The following EML4 variants were observed in gnomAD, a reference collection of about 807,000 sequenced individuals.
EML4 encodes EMAP like 4, also known as echinoderm microtubule-associated protein-like 4.
In EML4, 72 loss-of-function variants were observed where a neutral mutation model predicts 129.0. The ratio of observed to expected loss-of-function variants is 0.56; its 90% confidence interval spans 0.46 to 0.68. The LOEUF (loss-of-function observed/expected upper bound fraction) is 0.68. Ranked by LOEUF, EML4 falls within the 30% of genes least tolerant of loss-of-function variation. The pLI is 0.00. For synonymous variants in EML4, 532 were observed against 405.0 expected (o/e 1.31, Z -3.77); for missense variants, 1,363 against 1,190.6 (o/e 1.14, Z -2.13).
rs144376390 is a variant in EML4 at position 42,245,568 on chromosome 2, G to A, written c.89G>A (p.Arg30Gln). The change falls in exon 2 of 23, where the codon CGA becomes CAA. Residue 30 changes from arginine to glutamine, a missense_variant. Transcript: ENST00000318522. ...GATCGCCTGTCAGCTCTTGAGTCAC[G>A]AGTTCAGCAACAAGAAGATGAAATC... ...VQDRLSALESRVQQQEDEITV... is the reference protein window; with the variant it reads ...VQDRLSALESQVQQQEDEITV... 165 of 1,613,822 alleles carry A rather than the reference G, an allele frequency of 1.0e-4. No individual in the cohort carries two copies. The highest frequency in any genetic ancestry group is 1.3e-4 in the Non-Finnish European group (150 of 1,179,872).
intron 1 of EML4, among the ~76,000 whole-genome samples, chr2:42,174,277 A>C (rs1471596703): frequency 1.3e-5 from 2 of 152,070 alleles, no homozygotes; most frequent in Non-Finnish European, 2.9e-5. Context: ...AAGATTCCCA[A>C]ATCTATAGTA....
intron 6 of EML4, among the ~76,000 whole-genome samples, chr2:42,274,904 A>G (rs909555124): frequency 1.3e-5 from 2 of 152,168 alleles, no homozygotes; most frequent in Admixed American, 6.5e-5. Flanking sequence ...TTGCCTAACA[A>G]TCACTCTTTC....
In EML4 at chr2:42,243,519, C is replaced by T. The variant is rs367753348; in HGVS notation, c.26-1986C>T. Among the ~76,000 whole-genome samples the T allele has an allele frequency of 4.6e-5, 7 of 152,048 alleles. No individual in the cohort carries two copies. The East Asian group carries it at 1.4e-3, about 29-fold the overall frequency. ...TTTGTACATATCCTAGGCACACCCT[C>T]CTTAAAACAATCCTATTTAAAGGTG... On this transcript the variant is annotated intron_variant, in intron 1 of 22. Transcript: ENST00000318522.
intron 16 of EML4, among the ~76,000 whole-genome samples, chr2:42,303,707 C>T (rs904811824): frequency 6.6e-6 from 1 of 152,104 alleles, no homozygotes; most frequent in African/African-American, 2.4e-5. Context: ...AGGCGGATCA[C>T]GAGGTCAGGA....
intron 8 of EML4, 109 bp from the exon 9 acceptor site, chr2:42,284,525 G>A (rs150158488): frequency 2.0e-4 from 118 of 602,492 alleles, no homozygotes; most frequent in African/African-American, 1.9e-3. Flanking sequence ...ACAGATAAAC[G>A]TATGTTTTTT....
chr2:42,286,538 A>G (rs1321738710), intron 10 of EML4, among the ~76,000 whole-genome samples, 159 bp downstream of exon 10: 1 of 152,220 alleles, frequency 6.6e-6, no homozygotes, highest in Non-Finnish European at 1.5e-5. Flanking sequence ...AATGGCTAGC[A>G]TTTTGACCTA....
At chr2:42,237,833 A>G (rs903079421) in intron 1 of EML4, among the ~76,000 whole-genome samples, 25 of 152,308 alleles carry the variant, frequency 1.6e-4, no homozygotes, top group African/African-American at 6.0e-4. Flanking sequence ...CAACTACTCA[A>G]CATGAGTTGA....
intron 1 of EML4, among the ~76,000 whole-genome samples, chr2:42,232,710 C>A (rs530611885): frequency 6.6e-6 from 1 of 151,998 alleles, no homozygotes; most frequent in East Asian, 1.9e-4. Flanking sequence ...TCTGTAAAGG[C>A]CTTTTTGTTT....
intron 1 of EML4, among the ~76,000 whole-genome samples, chr2:42,187,388 T>C (rs188960374): frequency 5.3e-5 from 8 of 152,144 alleles, no homozygotes; most frequent in African/African-American, 7.2e-5. Flanking sequence ...TGGGATCTTA[T>C]AATCTGTGGT....
intron 1 of EML4, among the ~76,000 whole-genome samples, chr2:42,213,565 C>G (rs905260273): frequency 7.2e-5 from 11 of 152,158 alleles, no homozygotes; most frequent in African/African-American, 2.7e-4. Context: ...CCATTGCATA[C>G]TTTTATGTAC....
At chr2:42,312,280 G>A (rs1031087834) in intron 17 of EML4, among the ~76,000 whole-genome samples, 5 of 151,108 alleles carry the variant, frequency 3.3e-5, no homozygotes, top group Admixed American at 1.3e-4. Context: ...CCCCACCATC[G>A]TCCCTGCCAG....
chr2:42,175,673 A>G (rs1468486540), intron 1 of EML4, among the ~76,000 whole-genome samples: 2 of 151,746 alleles, frequency 1.3e-5, no homozygotes, highest in African/African-American at 4.8e-5. Context: ...TAATTTTTGT[A>G]TTTTTAATAG....
rs1352173955 is a variant in EML4, at chr2:42,303,129, G to A, written c.1667G>A (p.Arg556Lys). ...IEVPDQYGTI[R>K]AVAEGKADQF... ...GTTCCTGATCAGTATGGCACAATCA[G>A]AGCTGTAGCAGAAGGAAAGGCAGAT... is the stretch of plus-strand genomic sequence containing the variant. Residue 556 changes from arginine (R) to lysine (K), a missense_variant, in exon 15 of 23, where the codon AGA becomes AAA. By Grantham distance (26) the Arg-to-Lys change is conservative (BLOSUM62 2). Coordinates refer to ENST00000318522, the MANE Select transcript of EML4 (RefSeq NM_019063.5). 3 of 1,613,944 alleles carry A rather than the reference G, an allele frequency of 1.9e-6. No individual in the cohort carries two copies. The highest frequency in any genetic ancestry group is 1.7e-6 in the Non-Finnish European group (2 of 1,180,018).
intron 5 of EML4, among the ~76,000 whole-genome samples, chr2:42,264,110 T>G (rs952267145): frequency 0.011 from 1,505 of 140,458 alleles, 38 homozygotes; most frequent in African/African-American, 0.036. Context: ...CGTGTTTTTT[T>G]TTTTTTTTTT....
intron 8 of EML4, 120 bp downstream of exon 8, chr2:42,283,092 G>A: frequency 1.1e-6 from 1 of 944,184 alleles, no homozygotes; most frequent in Non-Finnish European, 1.6e-6. Context: ...AAAATATTAT[G>A]GGTCATCTGT....
intron 1 of EML4, among the ~76,000 whole-genome samples, chr2:42,212,015 T>A (rs1672914078): frequency 6.6e-6 from 1 of 152,104 alleles, no homozygotes; most frequent in African/African-American, 2.4e-5. Context: ...CAGCTAATTA[T>A]TTATATTTTT....
chr2:42,284,380 G>C (rs373514766), intron 8 of EML4, among the ~76,000 whole-genome samples: 3 of 152,160 alleles, frequency 2.0e-5, no homozygotes, highest in Admixed American at 1.3e-4. Context: ...AAAACAGTTC[G>C]TTAGCATGCC....
intron 18 of EML4, among the ~76,000 whole-genome samples, chr2:42,317,184 G>A (rs1286903561): frequency 2.6e-5 from 4 of 152,162 alleles, no homozygotes; most frequent in East Asian, 1.9e-4. Context: ...CTCTGGAGCC[G>A]GTTTTCAACT....
chr2:42,311,484 G>A (rs1429658727), intron 17 of EML4, among the ~76,000 whole-genome samples: 1 of 152,094 alleles, frequency 6.6e-6, no homozygotes, highest in Non-Finnish European at 1.5e-5. Flanking sequence ...GAGCCTGGGA[G>A]GTTGAGGCTG....
Sources: gnomAD v4.1 joint callset for allele counts (sites outside exome capture counted in the v4.1 genomes callset) on GRCh38, gnomAD v4.1.1 for gene constraint, MANE v1.5 for transcripts, NCBI Gene and HGNC (gene_info 2026-07-23, HGNC 2026-07-21) for gene names.